The following OR51B5 variants were observed in gnomAD, a reference collection of about 807,000 sequenced individuals.
OR51B5 encodes olfactory receptor family 51 subfamily B member 5.
For missense variants in OR51B5, 456 were observed against 374.6 expected, an observed-to-expected ratio of 1.22 and a Z score of -1.79; for synonymous variants, 186 against 144.8, an observed-to-expected ratio of 1.28 and a Z score of -2.04.
At chr11:5,497,958 T>C (rs2133818995) in intron 1 of OR51B5, among the ~76,000 whole-genome samples, 1 of 152,302 alleles carries the variant, frequency 6.6e-6, no homozygotes, top group South Asian at 2.1e-4. Context: ...AAACAACTAA[T>C]GACTGGTTAC....
intron 1 of OR51B5, among the ~76,000 whole-genome samples, chr11:5,490,467 T>G (rs1032858621): frequency 1.3e-5 from 2 of 152,204 alleles, no homozygotes; most frequent in African/African-American, 4.8e-5. Context: ...TCATCCATTT[T>G]GAGGTCTCTT....
At chr11:5,382,437 G>A (rs567348419) in intron 1 of OR51B5, among the ~76,000 whole-genome samples, 17 of 152,172 alleles carry the variant, frequency 1.1e-4, no homozygotes, top group Middle Eastern at 3.4e-3. Flanking sequence ...CTTACATTGC[G>A]CTAAGATAGT....
chr11:5,402,794 TGCCATGTTGGCACTG>T (rs1188791815), intron 1 of OR51B5: 1 of 471,624 alleles, frequency 2.1e-6, no homozygotes, highest in Non-Finnish European at 4.4e-6. Flanking sequence ...ACCTCTTCCT[TGCCATGTTGGCACTG>T]GCCGAGGTTC....
chr11:5,389,614 C>T, intron 1 of OR51B5: 1 of 1,613,782 alleles, frequency 6.2e-7, no homozygotes, highest in East Asian at 2.2e-5. Context: ...CACCCATGTA[C>T]TATCTACTAT....
At chr11:5,368,161 A>G (rs181908546) in intron 1 of OR51B5, among the ~76,000 whole-genome samples, 33 of 152,334 alleles carry the variant, frequency 2.2e-4, no homozygotes, top group Non-Finnish European at 4.1e-4. Flanking sequence ...ACTATGAACC[A>G]GCATGAAAAA....
At chr11:5,423,229 C>G (rs529876935) in intron 1 of OR51B5, 2 of 1,427,660 alleles carry the variant, frequency 1.4e-6, no homozygotes, top group East Asian at 2.5e-5. Flanking sequence ...AATTAGGAAA[C>G]TATAAAATAA....
chr11:5,404,176 G>T (rs1014249323), intron 1 of OR51B5, among the ~76,000 whole-genome samples: 1 of 144,370 alleles, frequency 6.9e-6, no homozygotes, highest in East Asian at 2.1e-4. Flanking sequence ...GGGCGGGGAG[G>T]GCGGGGGGCG....
At chr11:5,457,030 C>A (rs1336726162) in intron 1 of OR51B5, among the ~76,000 whole-genome samples, 2 of 152,198 alleles carry the variant, frequency 1.3e-5, no homozygotes, top group Admixed American at 6.5e-5. Context: ...CAGCATCATG[C>A]TTCCCGTAAG....
chr11:5,469,947 CT>C (rs1851201675), intron 1 of OR51B5, among the ~76,000 whole-genome samples: 1 of 152,128 alleles, frequency 6.6e-6, no homozygotes, highest in Non-Finnish European at 1.5e-5. Flanking sequence ...AGTTCTCTGC[CT>C]TTTCCTTGTG....
chr11:5,472,015 G>A (rs1020853811), intron 1 of OR51B5, among the ~76,000 whole-genome samples: 1 of 152,134 alleles, frequency 6.6e-6, no homozygotes, highest in Admixed American at 6.6e-5. Context: ...CCCAATCAAA[G>A]GTTCCCTTCT....
intron 1 of OR51B5, among the ~76,000 whole-genome samples, chr11:5,488,021 G>C (rs1236213493): frequency 6.7e-6 from 1 of 150,086 alleles, no homozygotes; most frequent in African/African-American, 2.5e-5. Context: ...CAGAAAAAAA[G>C]TTAATGCATC....
chr11:5,446,026 G>A (rs939868704), intron 1 of OR51B5, among the ~76,000 whole-genome samples: 3 of 151,986 alleles, frequency 2.0e-5, no homozygotes, highest in African/African-American at 4.8e-5. Context: ...AACACCGCAT[G>A]TTCTCACTCA....
intron 1 of OR51B5, among the ~76,000 whole-genome samples, chr11:5,495,465 G>T (rs1851636612): frequency 6.6e-6 from 1 of 152,276 alleles, no homozygotes; most frequent in East Asian, 1.9e-4. Context: ...AAAATGTGTA[G>T]GTGAGGAGAA....
chr11:5,475,426 T>A (rs892806056), intron 1 of OR51B5, among the ~76,000 whole-genome samples: 2 of 152,186 alleles, frequency 1.3e-5, no homozygotes, highest in Admixed American at 1.3e-4. Context: ...AAATGCTGTT[T>A]CACATGTCCT....
intron 1 of OR51B5, chr11:5,453,384 C>T (rs1272583880): frequency 6.6e-6 from 5 of 757,584 alleles, no homozygotes; most frequent in East Asian, 5.5e-5. Flanking sequence ...AACATCATCG[C>T]TTTGTCTCTT....
At chr11:5,346,835 C>T (rs1848999699), upstream of OR51B5, 2 of 152,244 alleles carry the variant, frequency 1.3e-5, no homozygotes, top group South Asian at 2.1e-4. Flanking sequence ...GGTACCATAA[C>T]TTGTTTGATG....
intron 1 of OR51B5, among the ~76,000 whole-genome samples, chr11:5,410,811 T>C (rs1850137693): frequency 6.6e-6 from 1 of 151,020 alleles, no homozygotes; most frequent in Non-Finnish European, 1.5e-5. Context: ...TGTGTGTCCA[T>C]GTCTTAATTT....
intron 1 of OR51B5, chr11:5,453,272 C>T: frequency 2.5e-6 from 1 of 394,238 alleles, no homozygotes; most frequent in Non-Finnish European, 4.5e-6. Flanking sequence ...GAAATATTAG[C>T]TCAGCCTGCA....
intron 1 of OR51B5, chr11:5,392,120 T>C (rs1339304426): frequency 6.6e-6 from 1 of 152,136 alleles, no homozygotes; most frequent in Non-Finnish European, 1.5e-5. Flanking sequence ...AACCAAACTC[T>C]AAAAATATGT....
Sources: allele counts gnomAD v4.1 joint callset (sites outside exome capture counted in the v4.1 genomes callset), GRCh38; gene constraint gnomAD v4.1.1; transcripts MANE v1.5; gene names NCBI Gene and HGNC (gene_info 2026-07-23, HGNC 2026-07-21).